HNRNPD: variants seen among roughly 807,000 people sequenced by gnomAD.
HNRNPD encodes heterogeneous nuclear ribonucleoprotein D, also known as heterogeneous nuclear ribonucleoprotein D0.
HNRNPD carries 3 observed loss-of-function variants against 47.9 expected under a neutral mutation model. The observed-to-expected ratio is 0.06, with a 90% CI of 0.03 to 0.16. The LOEUF is 0.16. HNRNPD is among the 10% of genes least tolerant of loss of function. The pLI, the probability that HNRNPD is intolerant of heterozygous loss-of-function variation, is 1.00. For missense variants in HNRNPD, 287 were observed against 454.2 expected, an observed-to-expected ratio of 0.63 and a Z score of 3.35; for synonymous variants, 171 against 165.1, an observed-to-expected ratio of 1.04 and a Z score of -0.28.
chr4:82,357,671 C>T (rs193079917), intron 4 of HNRNPD: 34 of 348,896 alleles, frequency 9.7e-5, no homozygotes, highest in African/African-American at 5.1e-4. Flanking sequence ...AGCTTTACCA[C>T]GCACTGACAT....
intron 1 of HNRNPD, among the ~76,000 whole-genome samples, chr4:82,371,914 T>C (rs573894049): frequency 1.3e-5 from 2 of 152,210 alleles, no homozygotes; most frequent in East Asian, 3.9e-4. Context: ...TTTTTAAAAG[T>C]TTGCTTCCCT....
chr4:82,358,151 T>C (rs976245467), intron 4 of HNRNPD: 4 of 152,734 alleles, frequency 2.6e-5, no homozygotes, highest in African/African-American at 7.2e-5. Flanking sequence ...TCCCACTATG[T>C]TGTCCAGGAT....
chr4:82,357,732 A>G (rs146782446), intron 4 of HNRNPD: 223 of 235,076 alleles, frequency 9.5e-4, no homozygotes, highest in African/African-American at 4.7e-3. Context: ...AAGAACAAGA[A>G]GAAAACAGTC....
chr4:82,363,241 T>A (rs1446116341), intron 2 of HNRNPD, among the ~76,000 whole-genome samples: 1 of 151,786 alleles, frequency 6.6e-6, no homozygotes, highest in Non-Finnish European at 1.5e-5. Flanking sequence ...CATGCCAGGC[T>A]AATTTTTTTT....
chr4:82,371,313 C>A (rs1334455753), intron 2 of HNRNPD, among the ~76,000 whole-genome samples: 1 of 152,190 alleles, frequency 6.6e-6, no homozygotes, highest in Non-Finnish European at 1.5e-5. Context: ...CAACTACATG[C>A]ATTACCACAG....
intron 1 of HNRNPD, chr4:82,372,993 G>A (rs1578060432): frequency 5.4e-6 from 2 of 368,886 alleles, no homozygotes; most frequent in African/African-American, 2.1e-5. Context: ...ATCGTTTCAG[G>A]ATGGTGGAGA....
intron 2 of HNRNPD, among the ~76,000 whole-genome samples, chr4:82,370,944 G>A (rs1294903163): frequency 6.6e-6 from 1 of 150,634 alleles, no homozygotes; most frequent in African/African-American, 2.4e-5. Flanking sequence ...AGCTGTAGTG[G>A]AAAGCCACAT....
chr4:82,373,679 A>G lies in HNRNPD; in HGVS notation c.-1T>C, dbSNP rs1371937884. The G allele has an allele frequency of 3.3e-6, 5 of 1,526,074 alleles. No homozygotes were observed. Among genetic ancestry groups the G allele is most frequent in the Admixed American group, 2.0e-5 (1 of 50,532 alleles). The allele number at this position is 1,526,074 out of a possible 1,614,324, so 94.5% of individuals were successfully genotyped here. On this transcript the variant is annotated 5_prime_UTR_variant, in exon 1 of 9. Transcript: ENST00000313899. ...CCCCGCCGAACTGCTCCTCCGACAT[A>G]GTGCTAGTGTCTCCGCCGCTGCCGC...
chr4:82,356,318 C>A, intron 7 of HNRNPD: 1 of 439,424 alleles, frequency 2.3e-6, no homozygotes, highest in South Asian at 5.8e-5. Flanking sequence ...AAATGCCCAG[C>A]AAACATATAT....
At chr4:82,355,571 TGCATACAATGGCAG>T in intron 7 of HNRNPD, 170 bp from the exon 8 acceptor site, 1 of 598,068 alleles carries the variant, frequency 1.7e-6, no homozygotes, top group Non-Finnish European at 3.0e-6. Context: ...ATGTAGTGAA[TGCATACAATGGCAG>T]GCATTCAGAA....
intron 2 of HNRNPD, among the ~76,000 whole-genome samples, chr4:82,369,604 G>T (rs929688588): frequency 4.7e-4 from 71 of 151,544 alleles, no homozygotes; most frequent in Non-Finnish European, 5.9e-4. Context: ...CCTCAATATT[G>T]AGACTATAAA....
chr4:82,364,197 C>T (rs1719631187), intron 2 of HNRNPD, among the ~76,000 whole-genome samples: 1 of 152,136 alleles, frequency 6.6e-6, no homozygotes, highest in South Asian at 2.1e-4. Flanking sequence ...CTTCCAACTC[C>T]TGGGCTCAAG....
Position 82,355,397 on chromosome 4 carries a change from C to A in HNRNPD, c.1005G>T (p.Gln335His), listed in dbSNP as rs1723673468. 6.8e-6 allele frequency: 11 copies of A among 1,611,862 alleles called. No homozygotes were observed. Among genetic ancestry groups the A allele is most frequent in the Non-Finnish European group, 8.5e-6 (10 of 1,177,970 alleles). ...TGGATACCTTCCCATAACCACTCTGCTGGTCTAAAATAAAACAAGTGTTAG... is the reference window on the plus strand; with the variant it reads ...TGGATACCTTCCCATAACCACTCTGATGGTCTAAAATAAAACAAGTGTTAG... ...NYYGYGDYSN[Q>H]QSGYGKVSRR... The change falls in exon 8 of 9, where the codon CAG becomes CAT. Residue 335 changes from glutamine to histidine, a missense_variant. Physicochemically the swap from Gln to His is conservative, Grantham distance 24. This residue lies in a region of HNRNPD where 65 missense variants were observed against 107.1 expected (regional missense o/e 0.61). Transcript: ENST00000313899.
intron 3 of HNRNPD, 159 bp from the exon 4 acceptor site, chr4:82,358,979 C>T (rs1723846538): frequency 3.3e-6 from 2 of 602,304 alleles, no homozygotes; most frequent in Admixed American, 6.5e-5. Flanking sequence ...GTAACATCAA[C>T]TAACATATAC....
chr4:82,357,358 C>T lies in HNRNPD; in HGVS notation c.708G>A (p.Val236=). ...CFITFKEEEP[V]KKIMEKKYHN... ...GGTATTTCTTTTCCATTATCTTCTTCACTGGTTCTTCTTCCTTAAAGGTAA... is the reference window on the plus strand; with the variant it reads ...GGTATTTCTTTTCCATTATCTTCTTTACTGGTTCTTCTTCCTTAAAGGTAA... The change falls in exon 5 of 9, where the codon GTG becomes GTA. Residue 236 remains valine (V), a synonymous_variant. Transcript: ENST00000313899. 6.2e-7 allele frequency: 1 copy of T among 1,613,508 alleles called. No individual in the cohort carries two copies. The highest frequency in any genetic ancestry group is 8.5e-7 in the Non-Finnish European group (1 of 1,179,744).
rs1002995264 is a variant in HNRNPD at position 82,373,845 on chromosome 4, T to C, written c.-167A>G. The stretch of plus-strand genomic sequence containing the variant: ...CTGCAAAGGCTCCTGCGCCTCTCCC[T>C]GGCCTGCCCCCTTCGCCTCCCACTC... On this transcript the variant is annotated 5_prime_UTR_variant, in exon 1 of 9. Transcript: ENST00000313899. The C allele has an allele frequency of 2.9e-6, 4 of 1,400,300 alleles. No individual in the cohort carries two copies. Among genetic ancestry groups the C allele is most frequent in the Non-Finnish European group, 3.8e-6 (4 of 1,065,550 alleles). The allele number at this position is 1,400,300 out of a possible 1,614,324, so 86.7% of individuals were successfully genotyped here. A position where few individuals can be genotyped will look rare whatever the true frequency, so the allele number is the denominator to read the frequency against.
rs868157458 is a variant in HNRNPD at position 82,371,544 on chromosome 4, C to T, written c.274G>A (p.Ala92Thr). ...AAGTTTTACCATTCTTCCCGCTGTG[C>T]CGTCGCTGCTTCAGAGTGTCGTGGG... ...SSPRHSEAAT[A>T]QREEWKMFIG... Residue 92 changes from alanine (A) to threonine (T), a missense_variant, in exon 2 of 9, where the codon GCA becomes ACA. By Grantham distance (58) the Ala-to-Thr change is moderately conservative (BLOSUM62 0). Transcript: ENST00000313899. 1 of 1,613,014 alleles carries T rather than the reference C, an allele frequency of 6.2e-7. No homozygotes were observed.
intron 7 of HNRNPD, 127 bp from the exon 8 acceptor site, chr4:82,355,528 C>A: frequency 1.5e-6 from 1 of 672,714 alleles, no homozygotes; most frequent in South Asian, 1.8e-5. Context: ...AAAATTCACC[C>A]TGAGCAATCA....
intron 5 of HNRNPD, 95 bp downstream of exon 5, chr4:82,357,218 C>A (rs1042550760): frequency 1.5e-6 from 2 of 1,348,816 alleles, no homozygotes; most frequent in Admixed American, 2.6e-5. Flanking sequence ...GTTTTTAAAG[C>A]ATGCAAAGAA....
Sources: gnomAD v4.1 joint callset for allele counts (sites outside exome capture counted in the v4.1 genomes callset) on GRCh38, gnomAD v4.1.1 for gene constraint, gnomAD v4.1.1 regional missense constraint, MANE v1.5 for transcripts, NCBI Gene and HGNC (gene_info 2026-07-23, HGNC 2026-07-21) for gene names.